MFNG: variants seen among roughly 807,000 people sequenced by gnomAD.
MFNG encodes the protein beta-1,3-N-acetylglucosaminyltransferase manic fringe.
In MFNG, 24 loss-of-function variants were observed where a neutral mutation model predicts 34.2. That is an observed-to-expected ratio of 0.70 (90% confidence interval 0.51 to 0.99). The LOEUF is 0.99. MFNG is among the 50% of genes least tolerant of loss of function. The probability of loss-of-function intolerance (pLI) is 0.00; values close to 1 mark genes in which losing one functional copy is unlikely to be tolerated. For synonymous variants in MFNG, 158 were observed against 179.2 expected, an observed-to-expected ratio of 0.88 and a Z score of 0.94; for missense variants, 383 against 424.0, an observed-to-expected ratio of 0.90 and a Z score of 0.85.
intron 7 of MFNG, among the ~76,000 whole-genome samples, chr22:37,471,198 C>T (rs534677540): frequency 1.8e-4 from 28 of 152,328 alleles, no homozygotes; most frequent in Admixed American, 1.6e-3. Context: ...TCATGCCCTC[C>T]TCTACTCGTT....
At chr22:37,480,419 T>C (rs1016607990) in intron 2 of MFNG, 120 bp from the exon 3 acceptor site, 19 of 778,620 alleles carry the variant, frequency 2.4e-5, no homozygotes, top group Non-Finnish European at 4.0e-5. Context: ...CACTCCCATT[T>C]TACACATGGT....
In MFNG at chr22:37,479,356, G is replaced by A. The variant is rs575246309; in HGVS notation, c.550C>T (p.His184Tyr). The A allele has an allele frequency of 3.8e-6, 6 of 1,589,390 alleles. No homozygotes were observed. The highest frequency in any genetic ancestry group is 4.6e-5 in the East Asian group (2 of 43,180). ...RPIHASEPQP[H>Y]NRTRLVQFWF... is the part of the protein sequence containing the mutation. ...GGAGAGGGACCCACCGTGCGGTTGT[G>A]GGGCTGTGGCTCTGAGGCATGGATG... The change falls in exon 4 of 8, where the codon CAC (histidine) becomes TAC (tyrosine). Residue 184 changes from histidine to tyrosine, a missense_variant. By Grantham distance (83) the His-to-Tyr change is moderately conservative. Transcript: ENST00000356998.
chr22:37,472,110 G>A (rs916014115), intron 7 of MFNG, among the ~76,000 whole-genome samples: 47 of 152,308 alleles, frequency 3.1e-4, no homozygotes, highest in African/African-American at 1.0e-3. Context: ...CCATGAGAGC[G>A]TTGCCTGTGC....
At chr22:37,481,687 C>T (rs529598973) in intron 1 of MFNG, among the ~76,000 whole-genome samples, 5 of 152,176 alleles carry the variant, frequency 3.3e-5, no homozygotes, top group Non-Finnish European at 4.4e-5. Context: ...GCATCAGGGG[C>T]CTTTGAGGGC....
chr22:37,472,548 A>G lies in MFNG; in HGVS notation c.814-20T>C. Reference sequence around the variant, plus strand: ...GGTGACCTGGGCAGGGAGATAGAAGAGTGTTGGGGCATCACACTGGGGATC... The same window carrying G: ...GGTGACCTGGGCAGGGAGATAGAAGGGTGTTGGGGCATCACACTGGGGATC... On this transcript the variant is annotated intron_variant, in intron 6 of 7. Coordinates refer to ENST00000356998, the MANE Select transcript of MFNG (RefSeq NM_002405.4). The G allele has an allele frequency of 6.4e-7, 1 of 1,572,598 alleles. No individual in the cohort carries two copies. The highest frequency in any genetic ancestry group is 1.9e-5 in the Admixed American group (1 of 53,116).
intron 5 of MFNG, 151 bp from the exon 6 acceptor site, chr22:37,474,828 T>C (rs543468831): frequency 1.3e-5 from 10 of 781,806 alleles, no homozygotes; most frequent in East Asian, 8.9e-5. Flanking sequence ...GTCAGGAACC[T>C]TGGGGAGCCT....
chr22:37,475,704 G>A (rs568928902), intron 5 of MFNG, among the ~76,000 whole-genome samples: 2 of 152,212 alleles, frequency 1.3e-5, no homozygotes, highest in African/African-American at 2.4e-5. Flanking sequence ...CCCCTCCCCA[G>A]CCTGCACTCC....
intron 4 of MFNG, among the ~76,000 whole-genome samples, chr22:37,477,586 A>T (rs1339101697): frequency 6.6e-6 from 1 of 152,128 alleles, no homozygotes; most frequent in Admixed American, 6.5e-5. Context: ...AGCTGGAACT[A>T]CAGACGTGCG....
At position 37,474,550 on chromosome 22, in the gene MFNG, T is replaced by A; in HGVS notation, c.775A>T (p.Thr259Ser). The A allele has an allele frequency of 6.2e-7, 1 of 1,614,028 alleles. No individual in the cohort carries two copies. Among genetic ancestry groups the A allele is most frequent in the South Asian group, 1.1e-5 (1 of 91,070 alleles). The change falls in exon 6 of 8, where the codon ACC becomes TCC. Residue 259 changes from threonine (T) to serine (S), a missense_variant. By Grantham distance (58) the Thr-to-Ser change is moderately conservative. Transcript: ENST00000356998. The part of the protein sequence containing the change: ...PSPLFHSHLE[T>S]LQLLRTAQLP... ...TGTGCAGTCCTCAGCAGCTGCAGGGTCTCCAGGTGGGAGTGAAAGAGGGGG... is the reference window on the plus strand; with the variant it reads ...TGTGCAGTCCTCAGCAGCTGCAGGGACTCCAGGTGGGAGTGAAAGAGGGGG...
At chr22:37,472,883 T>C (rs1175710537) in intron 6 of MFNG, among the ~76,000 whole-genome samples, 1 of 152,160 alleles carries the variant, frequency 6.6e-6, no homozygotes, top group African/African-American at 2.4e-5. Flanking sequence ...CTGGAGGGCC[T>C]TGGCACATCC....
At chr22:37,477,897 T>G (rs965414741) in intron 4 of MFNG, among the ~76,000 whole-genome samples, 2 of 152,202 alleles carry the variant, frequency 1.3e-5, no homozygotes, top group Non-Finnish European at 2.9e-5. Flanking sequence ...ATTAGGAAAC[T>G]GAGGCACAGA....
At position 37,483,636 on chromosome 22, in the gene MFNG, C is replaced by A. The variant is rs571837081; in HGVS notation, c.255+2287G>T. Among the ~76,000 whole-genome samples, 1 of 152,122 alleles carries A rather than the reference C, an allele frequency of 6.6e-6. No homozygotes were observed. Among genetic ancestry groups the A allele is most frequent in the South Asian group, 2.1e-4 (1 of 4,816 alleles). On this transcript the variant is annotated intron_variant, in intron 1 of 7. Coordinates refer to ENST00000356998, the MANE Select transcript of MFNG (RefSeq NM_002405.4). The surrounding 1 kb of genome is among the most constrained non-coding windows in gnomAD (Gnocchi z 4.5). ...TCTCTACTAAAAATAGAAAAATTAGCCGGGCGTGGTGCGCATGCCTGTAGT... is the reference window on the plus strand; with the variant it reads ...TCTCTACTAAAAATAGAAAAATTAGACGGGCGTGGTGCGCATGCCTGTAGT...
chr22:37,473,445 G>GAA (rs758054469), intron 6 of MFNG, among the ~76,000 whole-genome samples: 2 of 151,912 alleles, frequency 1.3e-5, no homozygotes, highest in Non-Finnish European at 2.9e-5. Context: ...AAAAAGAAGG[G>GAA]AAGGACCCCA....
intron 4 of MFNG, among the ~76,000 whole-genome samples, chr22:37,477,889 T>C (rs1392534612): frequency 1.3e-5 from 2 of 152,180 alleles, no homozygotes; most frequent in African/African-American, 2.4e-5. Flanking sequence ...TTTCACAGAT[T>C]AGGAAACTGA....
chr22:37,478,443 G>A (rs1421930055), intron 4 of MFNG, among the ~76,000 whole-genome samples: 1 of 152,160 alleles, frequency 6.6e-6, no homozygotes, highest in East Asian at 1.9e-4. Context: ...AAGTTTAACT[G>A]GATGTAGTGG....
At chr22:37,472,767 G>A (rs1569155808) in intron 6 of MFNG, 1 of 423,896 alleles carries the variant, frequency 2.4e-6, no homozygotes, top group Non-Finnish European at 4.2e-6. Flanking sequence ...CTGAGAAGCT[G>A]GAACAATACC....
chr22:37,476,491 C>T (rs1922045653), intron 5 of MFNG, among the ~76,000 whole-genome samples: 1 of 152,134 alleles, frequency 6.6e-6, no homozygotes, highest in Non-Finnish European at 1.5e-5. Context: ...CTTCTCCCTC[C>T]TCTGAAGACC....
In MFNG at chr22:37,476,967, G is replaced by A. The variant is rs1421269131; in HGVS notation, c.576C>T (p.Phe192=). The A allele has an allele frequency of 1.2e-6, 2 of 1,614,010 alleles. No individual in the cohort carries two copies. The highest frequency in any genetic ancestry group is 1.7e-6 in the Non-Finnish European group (2 of 1,179,976). The change falls in exon 5 of 8, where the codon TTC becomes TTT. Residue 192 remains phenylalanine (F), a synonymous_variant. Transcript: ENST00000356998. ...QPHNRTRLVQ[F]WFATGGAGFC... ...AGCCAGCACCCCCAGTGGCAAACCA[G>A]AACTGTACCAGCCTCTGAGAGAGAG...
At chr22:37,481,746 C>T (rs1444317981) in intron 1 of MFNG, among the ~76,000 whole-genome samples, 1 of 152,232 alleles carries the variant, frequency 6.6e-6, no homozygotes, top group East Asian at 1.9e-4. Flanking sequence ...CAATTCCGGA[C>T]CCCTTCCAAG....
Sources: gnomAD v4.1 joint callset for allele counts (sites outside exome capture counted in the v4.1 genomes callset) on GRCh38, gnomAD v4.1.1 for gene constraint, Gnocchi (gnomAD v3.1) non-coding constraint, MANE v1.5 for transcripts, NCBI Gene and HGNC (gene_info 2026-07-23, HGNC 2026-07-21) for gene names.